Variants in COL23A1 observed in about 807,000 individuals in gnomAD.
COL23A1 encodes collagen alpha-1(XXIII) chain.
COL23A1 carries 97 observed loss-of-function variants against 99.3 expected under a neutral mutation model. The observed-to-expected ratio is 0.98, with a 90% CI of 0.83 to 1.16. COL23A1 has a LOEUF of 1.16. Ranked by LOEUF, COL23A1 falls within the 50% of genes most tolerant of loss-of-function variation. The pLI is 0.00. For missense variants in COL23A1, 762 were observed against 757.4 expected, an observed-to-expected ratio of 1.01 and a Z score of -0.07; for synonymous variants, 320 against 308.2, an observed-to-expected ratio of 1.04 and a Z score of -0.40.
intron 2 of COL23A1, among the ~76,000 whole-genome samples, chr5:178,555,176 A>G (rs180954688): frequency 2.6e-5 from 4 of 152,194 alleles, no homozygotes; most frequent in Admixed American, 2.6e-4. Flanking sequence ...ATCTCCTTTT[A>G]TTACAGGGAC....
intron 2 of COL23A1, among the ~76,000 whole-genome samples, chr5:178,425,462 T>A (rs1403804925): frequency 9.8e-6 from 1 of 101,590 alleles, no homozygotes; most frequent in Non-Finnish European, 1.9e-5. Context: ...AATAAATAAA[T>A]AAATAAAAAT....
intron 18 of COL23A1, among the ~76,000 whole-genome samples, chr5:178,249,716 A>ACACACACTCTCTCTCTCTCTCTCTCT: frequency 4.3e-5 from 4 of 92,752 alleles, no homozygotes; most frequent in Non-Finnish European, 4.4e-5. Context: ...ACACACACAC[A>ACACACACTCTCTCTCTCTCTCTCTCT]CTCTCTCTCT....
chr5:178,342,794 AAAAC>A (rs148149929), intron 2 of COL23A1, among the ~76,000 whole-genome samples: 63,136 of 150,228 alleles, frequency 0.42, 14,720 homozygotes, highest in Middle Eastern at 0.66. Context: ...CAAGAAAAAA[AAAAC>A]AAACAAACAG....
intron 2 of COL23A1, among the ~76,000 whole-genome samples, chr5:178,492,105 G>C (rs1267376577): frequency 1.3e-5 from 2 of 152,114 alleles, no homozygotes; most frequent in East Asian, 3.8e-4. Flanking sequence ...AAATAATTTT[G>C]AATTGAAGAA....
chr5:178,249,751 CGA>C (rs1581448402), intron 18 of COL23A1, among the ~76,000 whole-genome samples: 2 of 135,498 alleles, frequency 1.5e-5, no homozygotes, highest in African/African-American at 2.6e-5. Flanking sequence ...CTCTCTCTCT[CGA>C]ATTGGGGCAA....
At chr5:178,350,497 C>G (rs139436615) in intron 2 of COL23A1, among the ~76,000 whole-genome samples, 1 of 152,084 alleles carries the variant, frequency 6.6e-6, no homozygotes, top group Non-Finnish European at 1.5e-5. Flanking sequence ...CTGGGCCCAG[C>G]GCGATGTCAG....
intron 2 of COL23A1, among the ~76,000 whole-genome samples, chr5:178,368,739 A>C (rs1336249553): frequency 2.0e-5 from 3 of 152,248 alleles, no homozygotes; most frequent in Non-Finnish European, 4.4e-5. Context: ...AGCAAGCTTC[A>C]CAGCGACTTC....
chr5:178,417,749 T>C (rs1366457102), intron 2 of COL23A1, among the ~76,000 whole-genome samples: 2 of 151,796 alleles, frequency 1.3e-5, no homozygotes, highest in Non-Finnish European at 2.9e-5. Context: ...GGAGACGGAG[T>C]TCATTAGCAG....
intron 2 of COL23A1, among the ~76,000 whole-genome samples, chr5:178,333,941 G>C (rs1561871105): frequency 6.6e-6 from 1 of 152,194 alleles, no homozygotes; most frequent in Admixed American, 6.5e-5. Context: ...ACTGTCCAGT[G>C]CGTGAGCCCC....
At chr5:178,362,429 G>A (rs1456553351) in intron 2 of COL23A1, among the ~76,000 whole-genome samples, 3 of 152,152 alleles carry the variant, frequency 2.0e-5, no homozygotes, top group South Asian at 4.1e-4. Flanking sequence ...TCACTTCACC[G>A]AGGGGTGCCT....
At chr5:178,355,467 T>G (rs777984606) in intron 2 of COL23A1, among the ~76,000 whole-genome samples, 1 of 152,224 alleles carries the variant, frequency 6.6e-6, no homozygotes, top group Non-Finnish European at 1.5e-5. Flanking sequence ...TTACATAGTA[T>G]ATTAGTCTGT....
rs262031 is a variant in COL23A1 at position 178,590,333 on chromosome 5, T to G, written c.-136A>C. 7.4e-3 allele frequency: 5,668 copies of G among 770,712 alleles called. 260 individuals carry two copies. In the African/African-American group the frequency reaches 0.095, roughly 13 times the overall value. 47.7% of individuals were successfully genotyped at this position (770,712 alleles called of 1,614,324 possible). A position where few individuals can be genotyped will look rare whatever the true frequency, so the allele number is the denominator to read the frequency against. ...GGGTTAGCCTCCGGGTAGCAGCGGA[T>G]CGCCGCGCACGCCCCCTTCGCCGCA... On this transcript the variant is annotated 5_prime_UTR_variant, in exon 1 of 29. Transcript: ENST00000390654. The surrounding 1 kb of genome is among the most constrained non-coding windows in gnomAD (Gnocchi z 5.7).
chr5:178,251,015 T>C (rs974773103), intron 17 of COL23A1, among the ~76,000 whole-genome samples: 2 of 134,118 alleles, frequency 1.5e-5, no homozygotes, highest in African/African-American at 5.3e-5. Flanking sequence ...TGTTCTCTAA[T>C]CGCAAGATAA....
rs74274474 is a variant in COL23A1 at position 178,353,939 on chromosome 5, TA to T, written c.362-47021del. On this transcript the variant is annotated intron_variant, in intron 2 of 28. Transcript: ENST00000390654. ...TGTGTATGTTGTGCTACCGTTGAGT[TA>T]AAAAAAAAAAAAAACCAAAAAAACC... Among the ~76,000 whole-genome samples the T allele has an allele frequency of 1.4e-3, 205 of 142,568 alleles. 1 individual carries two copies. Among genetic ancestry groups the T allele is most frequent in the Admixed American group, 1.9e-3 (27 of 14,334 alleles). The allele number at this position is 142,568 out of a possible 152,430, so 93.5% of individuals were successfully genotyped here.
At chr5:178,358,540 ATG>A (rs796750660) in intron 2 of COL23A1, among the ~76,000 whole-genome samples, 8,761 of 109,994 alleles carry the variant, frequency 0.08, 432 homozygotes, top group African/African-American at 0.17. Flanking sequence ...TAGTGTGTGT[ATG>A]TGTGTGTATG....
At position 178,339,603 on chromosome 5, in the gene COL23A1, G is replaced by A. The variant is rs552025609; in HGVS notation, c.362-32684C>T. Among the ~76,000 whole-genome samples, 4 of 152,284 alleles carry A rather than the reference G, an allele frequency of 2.6e-5. No individual in the cohort carries two copies. In the East Asian group the frequency reaches 7.7e-4, roughly 29 times the overall value. On this transcript the variant is annotated intron_variant, in intron 2 of 28. Coordinates refer to ENST00000390654, the MANE Select transcript of COL23A1 (RefSeq NM_173465.4). The stretch of plus-strand genomic sequence containing the variant: ...CTCACAGCCAGCTAGCATGTGTGGG[G>A]GAAAATAAGAGAAAAATGATGTAAG...
rs764202992 is a variant in COL23A1 at position 178,255,815 on chromosome 5, A to AT, written c.882+537dup. On this transcript the variant is annotated intron_variant, in intron 15 of 28. Coordinates refer to ENST00000390654, the MANE Select transcript of COL23A1 (RefSeq NM_173465.4). This position sits in a 1 kb window ranked among gnomAD's most constrained non-coding sequence, Gnocchi z 4.2. ...CACAGCCAGGCGGGGGCTCAGATCCATTTTTTTTGGAGGAAGAAGCCAGCC... is the reference window on the plus strand; with the variant it reads ...CACAGCCAGGCGGGGGCTCAGATCCATTTTTTTTTGGAGGAAGAAGCCAGCC... 2.1e-4 allele frequency: 84 copies of AT among 396,268 alleles called. No individual in the cohort carries two copies. The highest frequency in any genetic ancestry group is 4.7e-4 in the East Asian group (5 of 10,730). 24.5% of individuals were successfully genotyped at this position (396,268 alleles called of 1,614,324 possible). A position where few individuals can be genotyped will look rare whatever the true frequency, so the allele number is the denominator to read the frequency against.
chr5:178,345,289 C>G (rs1417439961), intron 2 of COL23A1: 1 of 647,262 alleles, frequency 1.5e-6, no homozygotes, highest in Non-Finnish European at 2.7e-6. Flanking sequence ...GTAATCTGCC[C>G]CCTAGTTTGA....
chr5:178,523,191 T>C (rs1225042993), intron 2 of COL23A1, among the ~76,000 whole-genome samples: 2,257 of 80,786 alleles, frequency 0.028, 85 homozygotes, highest in African/African-American at 0.085. Context: ...CATATATATA[T>C]ATATATATAT....
Sources: gnomAD v4.1 joint callset for allele counts (sites outside exome capture counted in the v4.1 genomes callset) on GRCh38, gnomAD v4.1.1 for gene constraint, Gnocchi (gnomAD v3.1) non-coding constraint, MANE v1.5 for transcripts, NCBI Gene and HGNC (gene_info 2026-07-23, HGNC 2026-07-21) for gene names.